NCOR1: variants seen among roughly 807,000 people sequenced by gnomAD.
NCOR1 encodes the protein protein phosphatase 1, regulatory subunit 109.
Under a neutral mutation model 288.1 loss-of-function variants are expected in NCOR1, and 63 were observed. That is an observed-to-expected ratio of 0.22 (90% CI 0.18 to 0.27). The LOEUF (loss-of-function observed/expected upper bound fraction) is 0.27, where lower values mean the gene tolerates loss of function less well. Ranked by LOEUF, NCOR1 falls within the 10% of genes least tolerant of loss-of-function variation. The pLI is 1.00. For missense variants in NCOR1, 2,397 were observed against 3,019.2 expected (o/e 0.79, Z 4.83); for synonymous variants, 1,007 against 1,065.9 (o/e 0.94, Z 1.08).
rs2067682553 is a variant in NCOR1 at position 16,101,869 on chromosome 17, C to T, written c.2183-112G>A. 5 of 1,369,170 alleles carry T rather than the reference C, an allele frequency of 3.7e-6. No individual in the cohort carries two copies. In the South Asian group the frequency reaches 7.2e-5, roughly 20 times the overall value. 84.8% of individuals were successfully genotyped at this position (1,369,170 alleles called of 1,614,324 possible). Reference sequence around the variant, plus strand: ...ACATGTTTCAGGTGGTGATAGAAACCATGTTTGAAAGTAGTTGTTTAGGAT... The same window carrying T: ...ACATGTTTCAGGTGGTGATAGAAACTATGTTTGAAAGTAGTTGTTTAGGAT... On this transcript the variant is annotated intron_variant, in intron 19 of 45. Coordinates refer to ENST00000268712, the MANE Select transcript of NCOR1 (RefSeq NM_006311.4).
intron 2 of NCOR1, among the ~76,000 whole-genome samples, chr17:16,189,339 A>G (rs1430497163): frequency 6.6e-6 from 1 of 152,198 alleles, no homozygotes; most frequent in Non-Finnish European, 1.5e-5. Context: ...GGTTGCAATG[A>G]GCCAAGATTG....
chr17:16,080,310 T>G (rs1010861120), intron 25 of NCOR1, 98 bp downstream of exon 25: 1 of 1,050,004 alleles, frequency 9.5e-7, no homozygotes, highest in Non-Finnish European at 1.4e-6. Context: ...TTAAAGACTA[T>G]AGTTAAAAAA....
intron 25 of NCOR1, 112 bp from the exon 26 acceptor site, chr17:16,080,176 G>C: frequency 1.1e-6 from 1 of 898,178 alleles, no homozygotes; most frequent in Non-Finnish European, 1.7e-6. Context: ...GAAAAAAGCA[G>C]CACAAAACCC....
intron 18 of NCOR1, among the ~76,000 whole-genome samples, chr17:16,112,487 C>T (rs2070479687): frequency 6.6e-6 from 1 of 152,060 alleles, no homozygotes; most frequent in Non-Finnish European, 1.5e-5. Context: ...TATTAAAGGC[C>T]GCAGAGAACT....
intron 28 of NCOR1, 46 bp downstream of exon 28, chr17:16,073,383 A>C: frequency 6.7e-7 from 1 of 1,494,708 alleles, no homozygotes; most frequent in Non-Finnish European, 8.9e-7. Flanking sequence ...AAATTACTAT[A>C]TAAAATAACA....
intron 8 of NCOR1, among the ~76,000 whole-genome samples, chr17:16,151,136 A>G (rs2078790641): frequency 6.6e-6 from 1 of 151,934 alleles, no homozygotes; most frequent in South Asian, 2.1e-4. Flanking sequence ...AAACATATAA[A>G]GTAGAAATAT....
intron 1 of NCOR1, among the ~76,000 whole-genome samples, chr17:16,199,204 G>GAA (rs71353779): frequency 6.4e-4 from 64 of 99,832 alleles, no homozygotes; most frequent in African/African-American, 7.6e-4. Context: ...AATACAGAAG[G>GAA]AAAAAAAAAA....
Position 16,197,459 on chromosome 17 carries a change from C to T in NCOR1, c.-70-2820G>A, listed in dbSNP as rs59441477. Among the ~76,000 whole-genome samples, 398 of 152,238 alleles carry T rather than the reference C, an allele frequency of 2.6e-3. 4 individuals are homozygous for T. The East Asian group carries it at 0.03, about 12-fold the overall frequency. On this transcript the variant is annotated intron_variant, in intron 1 of 45. Coordinates refer to ENST00000268712, the MANE Select transcript of NCOR1 (RefSeq NM_006311.4). ...ACCAGGAGAAGAGTCAGAAGACTGACCAGCTGACCCTCAGCCTGTTTTTTC... is the reference window on the plus strand; with the variant it reads ...ACCAGGAGAAGAGTCAGAAGACTGATCAGCTGACCCTCAGCCTGTTTTTTC...
intron 2 of NCOR1, among the ~76,000 whole-genome samples, chr17:16,193,945 ATGAT>A (rs147331197): frequency 0.018 from 2,734 of 152,236 alleles, 83 homozygotes; most frequent in African/African-American, 0.062. Flanking sequence ...CTACTCTGAT[ATGAT>A]TATTTCACCT....
chr17:16,040,069 C>T (rs934014164), intron 43 of NCOR1: 6 of 441,554 alleles, frequency 1.4e-5, no homozygotes, highest in Admixed American at 2.6e-5. Context: ...GGATTACAGG[C>T]GTGAGCCACC....
intron 3 of NCOR1, among the ~76,000 whole-genome samples, chr17:16,175,932 T>C (rs1023252042): frequency 4.6e-5 from 7 of 152,116 alleles, no homozygotes; most frequent in African/African-American, 1.4e-4. Flanking sequence ...CAAGAAATTC[T>C]TAGGCCAGGT....
chr17:16,171,691 C>A, intron 4 of NCOR1, 112 bp downstream of exon 4: 1 of 998,294 alleles, frequency 1.0e-6, no homozygotes, highest in Non-Finnish European at 1.3e-6. Context: ...TCCCATACCA[C>A]TAACCTTTAG....
intron 21 of NCOR1, among the ~76,000 whole-genome samples, chr17:16,095,363 G>A (rs1302641743): frequency 5.9e-5 from 9 of 151,312 alleles, no homozygotes; most frequent in African/African-American, 2.2e-4. Context: ...GAGCGTCTCC[G>A]CCCGGCAGCC....
intron 29 of NCOR1, 146 bp from the exon 30 acceptor site, chr17:16,071,811 GT>G: frequency 2.7e-6 from 2 of 742,856 alleles, no homozygotes; most frequent in South Asian, 2.1e-5. Context: ...ACATCTTGTA[GT>G]TTCTAATTAA....
intron 37 of NCOR1, among the ~76,000 whole-genome samples, chr17:16,059,049 C>CAAAAAAAAA (rs57820388): frequency 1.1e-4 from 2 of 17,444 alleles, no homozygotes; most frequent in African/African-American, 2.8e-4. Context: ...AACTCCGTCT[C>CAAAAAAAAA]AAAAAAAAAA....
intron 2 of NCOR1, among the ~76,000 whole-genome samples, chr17:16,191,384 C>T (rs1342354071): frequency 6.6e-6 from 1 of 152,114 alleles, no homozygotes; most frequent in African/African-American, 2.4e-5. Flanking sequence ...ACTTAATTTC[C>T]TACCAGAAGG....
intron 1 of NCOR1, among the ~76,000 whole-genome samples, chr17:16,202,198 T>G (rs1183304255): frequency 3.1e-5 from 4 of 127,490 alleles, no homozygotes; most frequent in African/African-American, 1.2e-4. Context: ...CGTTCCAGCC[T>G]GGGCAAAAGG....
chr17:16,189,259 T>A (rs960060744), intron 2 of NCOR1, among the ~76,000 whole-genome samples: 1 of 151,884 alleles, frequency 6.6e-6, no homozygotes, highest in Non-Finnish European at 1.5e-5. Context: ...CCAGGCGTGG[T>A]GGCACATGTC....
chr17:16,046,139 T>C (rs964068692), intron 42 of NCOR1, among the ~76,000 whole-genome samples: 2 of 152,284 alleles, frequency 1.3e-5, no homozygotes, highest in South Asian at 2.1e-4. Flanking sequence ...TGCATATGAA[T>C]AGTGAATGAA....
Sources: gnomAD v4.1 joint callset for allele counts (sites outside exome capture counted in the v4.1 genomes callset) on GRCh38, gnomAD v4.1.1 for gene constraint, MANE v1.5 for transcripts, NCBI Gene and HGNC (gene_info 2026-07-23, HGNC 2026-07-21) for gene names.